FGD6: variants seen among roughly 807,000 people sequenced by gnomAD.
FGD6 encodes the protein FYVE, RhoGEF and PH domain-containing protein 6.
Under a neutral mutation model 149.4 loss-of-function variants are expected in FGD6, and 90 were observed. The ratio of observed to expected loss-of-function variants is 0.60; its 90% CI spans 0.51 to 0.72. The LOEUF is 0.72. Ranked by LOEUF, FGD6 falls within the 30% of genes least tolerant of loss-of-function variation. FGD6 has a pLI of 0.00. For missense variants in FGD6, 1,437 were observed against 1,684.8 expected, an observed-to-expected ratio of 0.85 and a Z score of 2.57; for synonymous variants, 527 against 584.0, an observed-to-expected ratio of 0.90 and a Z score of 1.41.
chr12:95,153,655 C>CT (rs1880373204), intron 3 of FGD6, among the ~76,000 whole-genome samples: 1 of 152,192 alleles, frequency 6.6e-6, no homozygotes, highest in East Asian at 1.9e-4. Flanking sequence ...GGGTGAAACT[C>CT]TGTCTCAAAA....
At chr12:95,160,811 C>T (rs370324924) in intron 3 of FGD6, among the ~76,000 whole-genome samples, 22 of 152,034 alleles carry the variant, frequency 1.4e-4, no homozygotes, top group African/African-American at 5.3e-4. Context: ...TTGCTGTGAG[C>T]CAAGATCATG....
At chr12:95,103,455 T>C (rs945068143) in intron 14 of FGD6, among the ~76,000 whole-genome samples, 1 of 152,198 alleles carries the variant, frequency 6.6e-6, no homozygotes, top group East Asian at 1.9e-4. Context: ...TGAATTACAT[T>C]ATGGCAACAT....
At chr12:95,133,421 C>T (rs1879580335) in intron 8 of FGD6, among the ~76,000 whole-genome samples, 1 of 152,146 alleles carries the variant, frequency 6.6e-6, no homozygotes, top group Non-Finnish European at 1.5e-5. Context: ...AGGTCTTCCT[C>T]GTGAGCAGTC....
chr12:95,139,515 T>C (rs993640803), intron 6 of FGD6, among the ~76,000 whole-genome samples: 3 of 151,850 alleles, frequency 2.0e-5, no homozygotes, highest in Non-Finnish European at 2.9e-5. Context: ...ATTTGTTTTT[T>C]AGTAGAGACA....
At chr12:95,203,990 T>C (rs1427052578) in intron 2 of FGD6, among the ~76,000 whole-genome samples, 1 of 152,188 alleles carries the variant, frequency 6.6e-6, no homozygotes, top group Non-Finnish European at 1.5e-5. Flanking sequence ...AAAATAGTAG[T>C]AAATGGGTAC....
chr12:95,153,089 A>G, intron 3 of FGD6, 96 bp from the exon 4 acceptor site: 3 of 1,037,972 alleles, frequency 2.9e-6, no homozygotes, highest in South Asian at 2.7e-5. Context: ...GATACTTGTA[A>G]GTTTCCTCCT....
intron 20 of FGD6, among the ~76,000 whole-genome samples, chr12:95,083,013 AT>A (rs1439954815): frequency 4.8e-4 from 17 of 35,060 alleles, no homozygotes; most frequent in East Asian, 3.8e-3. Context: ...AAAAAAAAAA[AT>A]ATATATATAT....
intron 18 of FGD6, 104 bp downstream of exon 18, chr12:95,089,464 TA>T (rs1877979452): frequency 1.5e-6 from 2 of 1,368,258 alleles, no homozygotes. Context: ...CATGACTTAA[TA>T]GTTGTGGGAA....
rs373051382 is a variant in FGD6, at chr12:95,193,486, T to A, written c.2441+15357A>T. 1.5e-4 allele frequency among the ~76,000 whole-genome samples: 22 copies of A among 151,468 alleles called. No individual in the cohort carries two copies. In the South Asian group the frequency reaches 4.4e-3, roughly 30 times the overall value. On this transcript the variant is annotated intron_variant, in intron 2 of 20. Coordinates refer to ENST00000343958, the MANE Select transcript of FGD6 (RefSeq NM_018351.4). ...AATTCTCCTGCCTCAGCCTCCTGAG[T>A]AGCTGGAATTACAGATGCCCACCAC...
intron 2 of FGD6, among the ~76,000 whole-genome samples, chr12:95,195,415 GT>G (rs1881711547): frequency 2.0e-5 from 3 of 151,870 alleles, no homozygotes; most frequent in Admixed American, 2.0e-4. Flanking sequence ...GCCATCCTCT[GT>G]TTTGTTTTTA....
chr12:95,148,247 G>T (rs1199612358), intron 5 of FGD6, among the ~76,000 whole-genome samples: 1 of 147,200 alleles, frequency 6.8e-6, no homozygotes, highest in African/African-American at 2.5e-5. Context: ...AAAAAAAAAT[G>T]AGAACTGAGA....
chr12:95,138,579 C>T (rs1879751294), intron 6 of FGD6, among the ~76,000 whole-genome samples: 1 of 151,976 alleles, frequency 6.6e-6, no homozygotes, highest in African/African-American at 2.4e-5. Context: ...AACTTCTTAC[C>T]TGGCATACAA....
At position 95,172,624 on chromosome 12, in the gene FGD6, C is replaced by T; in HGVS notation, c.2562G>A (p.Glu854=). Residue 854 remains glutamate, a synonymous_variant, in exon 3 of 21, where the codon GAG becomes GAA. Coordinates refer to ENST00000343958, the MANE Select transcript of FGD6 (RefSeq NM_018351.4). The part of the protein sequence containing the change: ...DDVSSESSKG[E]PDPLEDKQDE... ...CCTGTTTATCTTCCAGTGGGTCAGGCTCTCCTTTACTTGACTCAGAGCTGA... is the reference window on the plus strand; with the variant it reads ...CCTGTTTATCTTCCAGTGGGTCAGGTTCTCCTTTACTTGACTCAGAGCTGA... 6.2e-7 allele frequency: 1 copy of T among 1,610,736 alleles called. No individual in the cohort carries two copies. Among genetic ancestry groups the T allele is most frequent in the Non-Finnish European group, 8.5e-7 (1 of 1,178,004 alleles).
At chr12:95,102,255 G>T (rs1360667171) in intron 14 of FGD6, among the ~76,000 whole-genome samples, 1 of 151,652 alleles carries the variant, frequency 6.6e-6, no homozygotes, top group African/African-American at 2.4e-5. Context: ...ACCAGCCTGG[G>T]CAACATGGTG....
chr12:95,166,903 A>G lies in FGD6; in HGVS notation c.2586+5697T>C, dbSNP rs1046629998. ...TCAGAGTCTCACTCTGTTGGCCAGG[A>G]TGGAGTACAGTGGCATGACCTTGGC... On this transcript the variant is annotated intron_variant, in intron 3 of 20. Coordinates refer to ENST00000343958, the MANE Select transcript of FGD6 (RefSeq NM_018351.4). Among the ~76,000 whole-genome samples the G allele has an allele frequency of 6.6e-5, 9 of 135,382 alleles. No homozygotes were observed. The Admixed American group carries it at 7.5e-4, about 11-fold the overall frequency. The allele number at this position is 135,382 out of a possible 152,430, so 88.8% of individuals were successfully genotyped here.
chr12:95,098,871 T>TA (rs767721437), intron 14 of FGD6, among the ~76,000 whole-genome samples: 5 of 124,820 alleles, frequency 4.0e-5, no homozygotes, highest in Non-Finnish European at 8.7e-5. Flanking sequence ...CTTTTAATTT[T>TA]TTTTTTTTTT....
At chr12:95,156,928 C>A (rs1043361166) in intron 3 of FGD6, among the ~76,000 whole-genome samples, 4 of 152,038 alleles carry the variant, frequency 2.6e-5, no homozygotes, top group African/African-American at 9.7e-5. Context: ...GAAAAAGAAC[C>A]CAGATTTCCC....
At chr12:95,112,178 G>A (rs530218171) in intron 9 of FGD6, among the ~76,000 whole-genome samples, 1 of 152,078 alleles carries the variant, frequency 6.6e-6, no homozygotes, top group Non-Finnish European at 1.5e-5. Flanking sequence ...AGGCTGCAGT[G>A]AGCCGTGTTC....
chr12:95,189,162 T>G (rs1272461960), intron 2 of FGD6: 1 of 152,172 alleles, frequency 6.6e-6, no homozygotes, highest in African/African-American at 2.4e-5. Context: ...GTCACAGATT[T>G]TACTTAACAG....
Sources: gnomAD v4.1 joint callset for allele counts (sites outside exome capture counted in the v4.1 genomes callset) on GRCh38, gnomAD v4.1.1 for gene constraint, MANE v1.5 for transcripts, NCBI Gene and HGNC (gene_info 2026-07-23, HGNC 2026-07-21) for gene names.